The following KDM1B variants were observed in gnomAD, a reference collection of about 807,000 sequenced individuals.
KDM1B encodes the protein lysine-specific histone demethylase 2.
KDM1B carries 63 observed loss-of-function variants against 107.4 expected under a neutral mutation model. That is an observed-to-expected ratio of 0.59 (90% confidence interval 0.48 to 0.72). The LOEUF (loss-of-function observed/expected upper bound fraction) is 0.72. Ranked by LOEUF, KDM1B falls within the 30% of genes least tolerant of loss-of-function variation. The probability of loss-of-function intolerance (pLI) is 0.00; values close to 1 mark genes in which losing one functional copy is unlikely to be tolerated. For missense variants in KDM1B, 749 were observed against 1,020.8 expected (o/e 0.73, Z 3.63); for synonymous variants, 363 against 363.9 (o/e 1.00, Z 0.03).
Position 18,205,468 on chromosome 6 carries a change from G to C in KDM1B, c.1532-69G>C. The C allele has an allele frequency of 6.8e-7, 1 of 1,478,112 alleles. No homozygotes were observed. The highest frequency in any genetic ancestry group is 9.1e-7 in the Non-Finnish European group (1 of 1,100,386). 91.6% of individuals were successfully genotyped at this position (1,478,112 alleles called of 1,614,324 possible). On this transcript the variant is annotated intron_variant, in intron 14 of 21. Coordinates refer to ENST00000650836, the MANE Select transcript of KDM1B (RefSeq NM_001364614.2). The surrounding 1 kb of genome is among the most constrained non-coding windows in gnomAD (Gnocchi z 5.7). ...TGTTGCTGGGTGACAGAGGTTGAAA[G>C]CAAAGGAGAAAGAATTGGAGAATCT...
Position 18,212,392 on chromosome 6 carries a change from C to T in KDM1B, c.1867-96C>T. ...ACAGTTGCACATGGCAGCCCTTGTT[C>T]TTGCCAGTATAACAGCATGGGTTGT... On this transcript the variant is annotated intron_variant, in intron 17 of 21. Coordinates refer to ENST00000650836, the MANE Select transcript of KDM1B (RefSeq NM_001364614.2). This position sits in a 1 kb window ranked among gnomAD's most constrained non-coding sequence, Gnocchi z 5.2. The T allele has an allele frequency of 2.5e-6, 2 of 812,948 alleles. No individual in the cohort carries two copies. Among genetic ancestry groups the T allele is most frequent in the Middle Eastern group, 2.8e-4 (1 of 3,546 alleles). 50.4% of individuals were successfully genotyped at this position (812,948 alleles called of 1,614,324 possible). A position where few individuals can be genotyped will look rare whatever the true frequency, so the allele number is the denominator to read the frequency against.
chr6:18,157,206 A>T (rs1250257282), intron 2 of KDM1B, among the ~76,000 whole-genome samples: 1 of 152,188 alleles, frequency 6.6e-6, no homozygotes, highest in African/African-American at 2.4e-5. Context: ...TCATTTTAAG[A>T]CCTAAGGACC....
At chr6:18,187,112 T>C (rs1359899315) in intron 8 of KDM1B, among the ~76,000 whole-genome samples, 1 of 152,152 alleles carries the variant, frequency 6.6e-6, no homozygotes, top group Non-Finnish European at 1.5e-5. Context: ...GCAGTGTTGC[T>C]TTGGAAGCCA....
rs901593084 is a variant in KDM1B, at chr6:18,200,962, C to T, written c.1359+386C>T. Among the ~76,000 whole-genome samples, 3 of 152,106 alleles carry T rather than the reference C, an allele frequency of 2.0e-5. No individual in the cohort carries two copies. The highest frequency in any genetic ancestry group is 4.8e-5 in the African/African-American group (2 of 41,422). ...GATATTTTACATGCAATATTTGGGA[C>T]ATACTTATACTTAAAAAAATTATGT... On this transcript the variant is annotated intron_variant, in intron 13 of 21. Transcript: ENST00000650836. The surrounding 1 kb of genome is among the most constrained non-coding windows in gnomAD (Gnocchi z 4.3).
At chr6:18,184,273 CTTTTTT>C (rs1163110910) in intron 7 of KDM1B, among the ~76,000 whole-genome samples, 1 of 116,672 alleles carries the variant, frequency 8.6e-6, no homozygotes. Context: ...GTTCTAGCTT[CTTTTTT>C]TTTTTTTTTT....
chr6:18,169,916 AT>A (rs1785546257), intron 6 of KDM1B, among the ~76,000 whole-genome samples: 1 of 151,886 alleles, frequency 6.6e-6, no homozygotes, highest in South Asian at 2.1e-4. Flanking sequence ...TTATTTATTT[AT>A]TTATTTTTTT....
At position 18,191,331 on chromosome 6, in the gene KDM1B, T is replaced by TA. The variant is rs1271134158; in HGVS notation, c.920dup (p.Tyr307Ter). 6.4e-7 allele frequency: 1 copy of TA among 1,551,010 alleles called. No individual in the cohort carries two copies. Among genetic ancestry groups the TA allele is most frequent in the African/African-American group, 1.4e-5 (1 of 73,042 alleles). Residue 307 changes from tyrosine (Y) to a stop codon, truncating the protein, a stop_gained and frameshift_variant, in exon 10 of 22, where the codon TAC becomes TAAC. Transcript: ENST00000650836. LOFTEE classifies it high-confidence loss of function. The surrounding 1 kb of genome is among the most constrained non-coding windows in gnomAD (Gnocchi z 5.1). Reference sequence around the variant, plus strand: ...AGAGTATTCCCGAGACCCCACCATGTACCTGGCTTTGAGAAACCTCATCCT... The same window carrying TA: ...AGAGTATTCCCGAGACCCCACCATGTAACCTGGCTTTGAGAAACCTCATCCT... The part of the protein sequence containing the change: ...FPEYSRDPTM[Y>*]LALRNLILAL...
Position 18,213,832 on chromosome 6 carries a change from T to G in KDM1B, c.2109+51T>G. ...TGAATTTCCGTCTTAAAGTTTAGAA[T>G]TTGATGTGATAATTACTCACCTATC... On this transcript the variant is annotated intron_variant, in intron 19 of 21. Transcript: ENST00000650836. The surrounding 1 kb of genome is among the most constrained non-coding windows in gnomAD (Gnocchi z 5.9). The G allele has an allele frequency of 6.2e-7, 1 of 1,601,616 alleles. No homozygotes were observed. Among genetic ancestry groups the G allele is most frequent in the Non-Finnish European group, 8.6e-7 (1 of 1,169,160 alleles).
chr6:18,221,464 A>G (rs1472285763), intron 21 of KDM1B, among the ~76,000 whole-genome samples: 1 of 151,974 alleles, frequency 6.6e-6, no homozygotes, highest in Non-Finnish European at 1.5e-5. Flanking sequence ...TCTTTTTCTT[A>G]TTGAACTTAC....
intron 14 of KDM1B, among the ~76,000 whole-genome samples, chr6:18,202,422 C>T (rs941988140): frequency 6.6e-6 from 1 of 151,990 alleles, no homozygotes; most frequent in Non-Finnish European, 1.5e-5. Context: ...AATTTTAATT[C>T]AAAATCTTTT....
chr6:18,181,347 A>G (rs528776841), intron 7 of KDM1B, among the ~76,000 whole-genome samples: 29 of 152,352 alleles, frequency 1.9e-4, no homozygotes, highest in Non-Finnish European at 2.2e-4. Flanking sequence ...TTAATATAAC[A>G]TCAATTTAAA....
At chr6:18,181,504 C>T (rs1476811923) in intron 7 of KDM1B, among the ~76,000 whole-genome samples, 1 of 152,140 alleles carries the variant, frequency 6.6e-6, no homozygotes, top group African/African-American at 2.4e-5. Context: ...GTGGCTCATG[C>T]CTGTAATTTC....
Position 18,187,886 on chromosome 6 carries a change from A to G in KDM1B, c.668A>G (p.Tyr223Cys). ...DSVAAPLLSA[Y>C]YPDCVGMSPS... ...GTGGCAGCGCCCCTGCTGTCTGCCT[A>G]CTACCCTGACTGTGTTGGCATGAGC... is the stretch of plus-strand genomic sequence containing the variant. The change falls in exon 9 of 22, where the codon TAC (tyrosine) becomes TGC (cysteine). Residue 223 changes from tyrosine (Y) to cysteine (C), a missense_variant. Coordinates refer to ENST00000650836, the MANE Select transcript of KDM1B (RefSeq NM_001364614.2). 4 of 1,550,116 alleles carry G rather than the reference A, an allele frequency of 2.6e-6. No individual in the cohort carries two copies. Among genetic ancestry groups the G allele is most frequent in the Non-Finnish European group, 3.5e-6 (4 of 1,146,716 alleles).
chr6:18,215,792 A>C lies in KDM1B; in HGVS notation c.2232+663A>C, dbSNP rs1187584261. Reference sequence around the variant, plus strand: ...AAAAGGCTCGGTATTTTCTACGTGGATTCTATATTTACTGAAGCCCTAGAA... The same window carrying C: ...AAAAGGCTCGGTATTTTCTACGTGGCTTCTATATTTACTGAAGCCCTAGAA... On this transcript the variant is annotated intron_variant, in intron 20 of 21. Coordinates refer to ENST00000650836, the MANE Select transcript of KDM1B (RefSeq NM_001364614.2). 3.1e-5 allele frequency among the ~76,000 whole-genome samples: 4 copies of C among 129,926 alleles called. No individual in the cohort carries two copies. The East Asian group carries it at 8.7e-4, about 28-fold the overall frequency. 85.2% of individuals were successfully genotyped at this position (129,926 alleles called of 152,430 possible). A position where few individuals can be genotyped will look rare whatever the true frequency, so the allele number is the denominator to read the frequency against.
chr6:18,169,719 G>T (rs1785534143), intron 6 of KDM1B, among the ~76,000 whole-genome samples: 4 of 152,014 alleles, frequency 2.6e-5, no homozygotes, highest in South Asian at 2.1e-4. Context: ...CAAATTCAAG[G>T]TCATAAAGGT....
At position 18,165,128 on chromosome 6, in the gene KDM1B, A is replaced by ATTTTTTTT. The variant is rs35906579; in HGVS notation, c.306-1123_306-1116dup. On this transcript the variant is annotated intron_variant, in intron 5 of 21. Transcript: ENST00000650836. Reference sequence around the variant, plus strand: ...TTTTCCCCTTCCTCTGCCTTCTCTGATTTTTTTTTTTTTTTTTTTTTTTGA... The same window carrying ATTTTTTTT: ...TTTTCCCCTTCCTCTGCCTTCTCTGATTTTTTTTTTTTTTTTTTTTTTTTTTTTTTTGA... 5.0e-4 allele frequency among the ~76,000 whole-genome samples: 41 copies of ATTTTTTTT among 81,566 alleles called. 1 individual carries two copies. Among genetic ancestry groups the ATTTTTTTT allele is most frequent in the East Asian group, 1.3e-3 (3 of 2,356 alleles). The allele number at this position is 81,566 out of a possible 152,430, so 53.5% of individuals were successfully genotyped here. A position where few individuals can be genotyped will look rare whatever the true frequency, so the allele number is the denominator to read the frequency against.
At chr6:18,194,319 G>T (rs1248017969) in intron 10 of KDM1B, among the ~76,000 whole-genome samples, 1 of 151,560 alleles carries the variant, frequency 6.6e-6, no homozygotes, top group East Asian at 2.0e-4. Context: ...CACCGTGCTG[G>T]TTCCCCCATC....
Position 18,181,471 on chromosome 6 carries a change from G to T in KDM1B, c.535-4301G>T, listed in dbSNP as rs892092140. Among the ~76,000 whole-genome samples, 5 of 152,184 alleles carry T rather than the reference G, an allele frequency of 3.3e-5. No individual in the cohort carries two copies. The East Asian group carries it at 9.6e-4, about 29-fold the overall frequency. Reference sequence around the variant, plus strand: ...AAAGGTTAAGAAAATATGAGAATAAGAAGTGGGAATCAGTTGGGCGCAGTG... The same window carrying T: ...AAAGGTTAAGAAAATATGAGAATAATAAGTGGGAATCAGTTGGGCGCAGTG... On this transcript the variant is annotated intron_variant, in intron 7 of 21. Coordinates refer to ENST00000650836, the MANE Select transcript of KDM1B (RefSeq NM_001364614.2).
chr6:18,206,842 G>C (rs1033761702), intron 15 of KDM1B, among the ~76,000 whole-genome samples: 3 of 152,090 alleles, frequency 2.0e-5, no homozygotes, highest in Non-Finnish European at 4.4e-5. Context: ...TTGCAAGTCT[G>C]GTCTGTTTAC....
Sources: gnomAD v4.1 joint callset for allele counts (sites outside exome capture counted in the v4.1 genomes callset) on GRCh38, gnomAD v4.1.1 for gene constraint, Gnocchi (gnomAD v3.1) non-coding constraint, MANE v1.5 for transcripts, NCBI Gene and HGNC (gene_info 2026-07-23, HGNC 2026-07-21) for gene names.